Variants in CCDC85A observed in about 807,000 individuals in gnomAD.
CCDC85A encodes coiled-coil domain-containing protein 85A.
CCDC85A carries 38 observed loss-of-function variants against 50.2 expected under a neutral mutation model. The ratio of observed to expected loss-of-function variants is 0.76; its 90% confidence interval spans 0.58 to 0.99. The LOEUF is 0.99. CCDC85A is among the 50% of genes least tolerant of loss of function. The probability of loss-of-function intolerance (pLI) is 0.00; values close to 1 mark genes in which losing one functional copy is unlikely to be tolerated. For synonymous variants in CCDC85A, 366 were observed against 301.4 expected (o/e 1.21, Z -2.22); for missense variants, 820 against 742.0 (o/e 1.11, Z -1.22).
At chr2:56,355,910 C>G (rs989907004) in intron 3 of CCDC85A, among the ~76,000 whole-genome samples, 2 of 152,266 alleles carry the variant, frequency 1.3e-5, no homozygotes, top group Admixed American at 1.3e-4. Flanking sequence ...AAACCCAGGA[C>G]CAGATGGGAG....
chr2:56,298,418 GA>G (rs1330294061), intron 2 of CCDC85A, among the ~76,000 whole-genome samples: 3 of 151,926 alleles, frequency 2.0e-5, no homozygotes, highest in Non-Finnish European at 4.4e-5. Flanking sequence ...GCTGCGTTTG[GA>G]AAAAAAGTGA....
chr2:56,368,374 C>CT (rs1675910705), intron 3 of CCDC85A, among the ~76,000 whole-genome samples: 1 of 152,038 alleles, frequency 6.6e-6, no homozygotes, highest in Non-Finnish European at 1.5e-5. Flanking sequence ...CTAATCAGAG[C>CT]TTTTATTTAT....
intron 2 of CCDC85A, among the ~76,000 whole-genome samples, chr2:56,243,246 C>G (rs182912837): frequency 9.6e-4 from 146 of 152,230 alleles, no homozygotes; most frequent in African/African-American, 3.2e-3. Flanking sequence ...TTCTGTACCT[C>G]CTCTTTAAAG....
chr2:56,216,722 C>T (rs1677409113), intron 2 of CCDC85A, among the ~76,000 whole-genome samples: 1 of 148,106 alleles, frequency 6.8e-6, no homozygotes, highest in Admixed American at 6.7e-5. Flanking sequence ...TTGAACTTTG[C>T]CACATTATTT....
intron 2 of CCDC85A, among the ~76,000 whole-genome samples, chr2:56,197,928 T>A (rs1165928199): frequency 6.6e-6 from 1 of 152,224 alleles, no homozygotes; most frequent in Non-Finnish European, 1.5e-5. Context: ...AAGAAGCACA[T>A]GAGTTTCTAA....
chr2:56,211,230 T>C (rs1397977897), intron 2 of CCDC85A, among the ~76,000 whole-genome samples: 1 of 152,096 alleles, frequency 6.6e-6, no homozygotes, highest in Admixed American at 6.6e-5. Flanking sequence ...GGACTTACAG[T>C]GCAAACTTCC....
rs140361630 is a variant in CCDC85A at position 56,337,513 on chromosome 2, T to C, written c.1241-5366T>C. 3.1e-3 allele frequency among the ~76,000 whole-genome samples: 469 copies of C among 152,314 alleles called. 2 individuals carry two copies. The highest frequency in any genetic ancestry group is 0.011 in the African/African-American group (455 of 41,574). ...CTGCATGTCCCTTTCTTTTCCGTCA[T>C]GTGATTCCTTTCTTTCTGTGTTTAC... On this transcript the variant is annotated intron_variant, in intron 2 of 5. Coordinates refer to ENST00000407595, the MANE Select transcript of CCDC85A (RefSeq NM_001080433.2).
At chr2:56,329,478 T>C (rs1489454604) in intron 2 of CCDC85A, among the ~76,000 whole-genome samples, 1 of 152,216 alleles carries the variant, frequency 6.6e-6, no homozygotes, top group Non-Finnish European at 1.5e-5. Context: ...TGTTGACAAA[T>C]ATATGAAAAA....
At chr2:56,323,164 G>C (rs1207993929) in intron 2 of CCDC85A, among the ~76,000 whole-genome samples, 1 of 152,056 alleles carries the variant, frequency 6.6e-6, no homozygotes, top group Non-Finnish European at 1.5e-5. Flanking sequence ...GAAGCGGGGA[G>C]GGATAGCATT....
At chr2:56,233,851 A>G (rs1400466786) in intron 2 of CCDC85A, among the ~76,000 whole-genome samples, 1 of 152,138 alleles carries the variant, frequency 6.6e-6, no homozygotes, top group Non-Finnish European at 1.5e-5. Flanking sequence ...ACTTACTTGA[A>G]TTGATTCCAT....
At chr2:56,250,250 G>T (rs1669694905) in intron 2 of CCDC85A, among the ~76,000 whole-genome samples, 1 of 152,128 alleles carries the variant, frequency 6.6e-6, no homozygotes, top group Non-Finnish European at 1.5e-5. Context: ...TTTTAAGTTG[G>T]AGTGCTTTTC....
At chr2:56,380,568 AAAC>A (rs1037253266) in intron 5 of CCDC85A, among the ~76,000 whole-genome samples, 5 of 152,082 alleles carry the variant, frequency 3.3e-5, no homozygotes, top group South Asian at 2.1e-4. Context: ...TCAAAAAAAA[AAAC>A]AACAACAACA....
At chr2:56,360,323 T>C (rs903020195) in intron 3 of CCDC85A, among the ~76,000 whole-genome samples, 1 of 152,186 alleles carries the variant, frequency 6.6e-6, no homozygotes, top group African/African-American at 2.4e-5. Flanking sequence ...TTGATAGGCC[T>C]CTCCATTTTA....
chr2:56,236,857 A>G (rs1262345377), intron 2 of CCDC85A, among the ~76,000 whole-genome samples: 1 of 152,110 alleles, frequency 6.6e-6, no homozygotes, highest in Non-Finnish European at 1.5e-5. Flanking sequence ...ATGCCTGAAT[A>G]CCCAAATGAT....
chr2:56,374,889 T>G lies in CCDC85A; in HGVS notation c.1453-927T>G, dbSNP rs989296473. On this transcript the variant is annotated intron_variant, in intron 4 of 5. Transcript: ENST00000407595. ...GTGACTCCTCTTCGGGGTGTTAGAT[T>G]GATAGAATCAACTTGAATGGAGCAA... Among the ~76,000 whole-genome samples the G allele has an allele frequency of 2.0e-5, 3 of 152,222 alleles. 1 individual carries two copies. Among genetic ancestry groups the G allele is most frequent in the African/African-American group, 7.2e-5 (3 of 41,454 alleles).
At chr2:56,272,747 A>G (rs1021793404) in intron 2 of CCDC85A, among the ~76,000 whole-genome samples, 3 of 152,158 alleles carry the variant, frequency 2.0e-5, no homozygotes, top group Non-Finnish European at 4.4e-5. Flanking sequence ...CTTACATATG[A>G]GAGTCTCAAT....
intron 2 of CCDC85A, among the ~76,000 whole-genome samples, chr2:56,304,278 T>A (rs1485792251): frequency 6.6e-6 from 1 of 152,202 alleles, no homozygotes; most frequent in Admixed American, 6.5e-5. Flanking sequence ...TAATGGAGAA[T>A]TCATAGAACT....
intron 2 of CCDC85A, among the ~76,000 whole-genome samples, chr2:56,304,671 G>A (rs561565177): frequency 5.3e-5 from 8 of 152,208 alleles, no homozygotes; most frequent in African/African-American, 1.9e-4. Context: ...TTATCCATGG[G>A]GGAATCTGGG....
intron 3 of CCDC85A, among the ~76,000 whole-genome samples, chr2:56,361,211 G>A (rs555210822): frequency 5.9e-5 from 9 of 151,506 alleles, no homozygotes; most frequent in East Asian, 2.0e-4. Context: ...CGGAGATCGC[G>A]CCACTGCACT....
Sources: gnomAD v4.1 joint callset for allele counts (sites outside exome capture counted in the v4.1 genomes callset) on GRCh38, gnomAD v4.1.1 for gene constraint, MANE v1.5 for transcripts, NCBI Gene and HGNC (gene_info 2026-07-23, HGNC 2026-07-21) for gene names.